IL15: variants seen among roughly 807,000 people sequenced by gnomAD.
The protein encoded by IL15 is interleukin 15, also known as interleukin-15.
A neutral mutation model predicts 19.6 loss-of-function variants in IL15; 11 were observed. The observed-to-expected ratio is 0.56, with a 90% CI of 0.35 to 0.93. The LOEUF is 0.93. IL15 is among the 40% of genes least tolerant of loss of function. The pLI, the probability that IL15 is intolerant of heterozygous loss-of-function variation, is 0.01. For missense variants in IL15, 197 were observed against 186.5 expected (o/e 1.06, Z -0.33); for synonymous variants, 58 against 59.6 (o/e 0.97, Z 0.12).
chr4:141,710,659 C>CT (rs1216452304), intron 2 of IL15, among the ~76,000 whole-genome samples: 4 of 151,956 alleles, frequency 2.6e-5, no homozygotes, highest in Admixed American at 6.6e-5. Context: ...ACTGCACTTT[C>CT]TTTTTTTTCT....
At chr4:141,685,435 A>G (rs540581940) in intron 2 of IL15, among the ~76,000 whole-genome samples, 1 of 152,362 alleles carries the variant, frequency 6.6e-6, no homozygotes, top group African/African-American at 2.4e-5. Flanking sequence ...AGAAAGAGGT[A>G]AAATGATATC....
rs376190481 is a variant in IL15 at position 141,724,711 on chromosome 4, C to G, written c.195+2703C>G. Among the ~76,000 whole-genome samples, 114 of 152,008 alleles carry G rather than the reference C, an allele frequency of 7.5e-4. 1 individual carries two copies. The highest frequency in any genetic ancestry group is 2.7e-3 in the African/African-American group (111 of 41,500). ...ATCTGATAACTTAGAGGAAATGGACCAATTCTTCAGAAACCACAAACTACC... is the reference window on the plus strand; with the variant it reads ...ATCTGATAACTTAGAGGAAATGGACGAATTCTTCAGAAACCACAAACTACC... On this transcript the variant is annotated intron_variant, in intron 5 of 7. Coordinates refer to ENST00000320650, the MANE Select transcript of IL15 (RefSeq NM_000585.5).
chr4:141,728,922 A>G (rs1386654448), intron 6 of IL15, among the ~76,000 whole-genome samples: 1 of 152,178 alleles, frequency 6.6e-6, no homozygotes, highest in Non-Finnish European at 1.5e-5. Flanking sequence ...CCCATGGGTT[A>G]GAGAAACAAC....
chr4:141,690,951 A>G (rs2152177175), intron 2 of IL15, among the ~76,000 whole-genome samples: 1 of 152,330 alleles, frequency 6.6e-6, no homozygotes, highest in East Asian at 1.9e-4. Context: ...AACTTTAATC[A>G]TTCCTTTAAG....
At chr4:141,673,839 T>C (rs1188580006) in intron 2 of IL15, among the ~76,000 whole-genome samples, 1 of 152,182 alleles carries the variant, frequency 6.6e-6, no homozygotes, top group Non-Finnish European at 1.5e-5. Flanking sequence ...TTCTAGTTTT[T>C]TATACCATTT....
chr4:141,684,724 GC>G (rs1219944173), intron 2 of IL15, among the ~76,000 whole-genome samples: 2 of 151,874 alleles, frequency 1.3e-5, no homozygotes, highest in African/African-American at 4.8e-5. Context: ...CCATTCCAAG[GC>G]CTTCTCCATT....
intron 7 of IL15, among the ~76,000 whole-genome samples, chr4:141,731,680 C>T (rs982787867): frequency 1.3e-5 from 2 of 152,168 alleles, no homozygotes; most frequent in African/African-American, 2.4e-5. Context: ...ATATCTCTGT[C>T]TTCCTATCTG....
At chr4:141,722,052 G>T (rs199980417) in intron 5 of IL15, 44 bp downstream of exon 5, 2 of 1,506,532 alleles carry the variant, frequency 1.3e-6, no homozygotes, top group Non-Finnish European at 1.8e-6. Context: ...TAACTGCTAT[G>T]GAGTTTGTCT....
intron 2 of IL15, among the ~76,000 whole-genome samples, chr4:141,683,226 G>T (rs989830634): frequency 2.0e-5 from 3 of 151,496 alleles, no homozygotes; most frequent in Non-Finnish European, 4.4e-5. Flanking sequence ...CCAAGATCAT[G>T]CCACTGCACT....
chr4:141,688,079 C>T (rs970401932), intron 2 of IL15, among the ~76,000 whole-genome samples: 2 of 152,052 alleles, frequency 1.3e-5, no homozygotes, highest in African/African-American at 4.8e-5. Flanking sequence ...TTACACCCAG[C>T]GTTTCTTTAA....
intron 4 of IL15, 23 bp downstream of exon 4, chr4:141,720,589 A>G (rs1159683444): frequency 4.4e-6 from 5 of 1,128,250 alleles, no homozygotes; most frequent in African/African-American, 3.1e-5. Context: ...TTAGGCATAA[A>G]TAACATTATG....
At position 141,727,951 on chromosome 4, in the gene IL15, T is replaced by C; in HGVS notation, c.207T>C (p.Ile69=). ...TTGTTTCCTTTCAGTCTATGCATAT[T>C]GATGCTACTTTATATACGGAAAGTG... ...KIEDLIQSMH[I]DATLYTESDV... is the part of the protein sequence containing the mutation. The change falls in exon 6 of 8, where the codon ATT becomes ATC. Residue 69 remains isoleucine (I), a synonymous_variant. Transcript: ENST00000320650. 4 of 1,328,674 alleles carry C rather than the reference T, an allele frequency of 3.0e-6. No individual in the cohort carries two copies. The highest frequency in any genetic ancestry group is 4.3e-6 in the Non-Finnish European group (4 of 940,584). 82.3% of individuals were successfully genotyped at this position (1,328,674 alleles called of 1,614,324 possible).
chr4:141,683,893 A>G (rs1465769065), intron 2 of IL15, among the ~76,000 whole-genome samples: 1 of 152,236 alleles, frequency 6.6e-6, no homozygotes, highest in Non-Finnish European at 1.5e-5. Context: ...AGGGATTTAT[A>G]ACCCAAACAT....
chr4:141,657,221 T>TA (rs1727639408), intron 2 of IL15, among the ~76,000 whole-genome samples: 1 of 152,226 alleles, frequency 6.6e-6, no homozygotes, highest in East Asian at 1.9e-4. Context: ...ATATAAAAGA[T>TA]AAAAAATTAT....
chr4:141,709,079 A>T (rs1729624708), intron 2 of IL15, among the ~76,000 whole-genome samples: 3 of 114,486 alleles, frequency 2.6e-5, no homozygotes, highest in East Asian at 2.3e-4. Flanking sequence ...AATATTGAAA[A>T]TTTTCAATAT....
In IL15 at chr4:141,721,939, G is replaced by A. The variant is rs774006958; in HGVS notation, c.126G>A (p.Gly42=). 1 of 1,589,492 alleles carries A rather than the reference G, an allele frequency of 6.3e-7. No individual in the cohort carries two copies. Among genetic ancestry groups the A allele is most frequent in the Non-Finnish European group, 8.6e-7 (1 of 1,161,888 alleles). ...HVFILGCFSA[G]LPKTEANWVN... ...TTTCTTTCAGCTGTTTCAGTGCAGGGCTTCCTAAAACAGAAGCCAACTGGG... is the reference window on the plus strand; with the variant it reads ...TTTCTTTCAGCTGTTTCAGTGCAGGACTTCCTAAAACAGAAGCCAACTGGG... The change falls in exon 5 of 8, where the codon GGG becomes GGA. Residue 42 remains glycine (G), a synonymous_variant. Coordinates refer to ENST00000320650, the MANE Select transcript of IL15 (RefSeq NM_000585.5).
At chr4:141,721,426 A>G (rs546845461) in intron 4 of IL15, 28 of 623,516 alleles carry the variant, frequency 4.5e-5, no homozygotes, top group South Asian at 4.4e-4. Context: ...TGCTGCAAGC[A>G]TAGTAAGAGT....
At chr4:141,703,228 G>A (rs541723074) in intron 2 of IL15, among the ~76,000 whole-genome samples, 11 of 152,202 alleles carry the variant, frequency 7.2e-5, no homozygotes, top group South Asian at 6.2e-4. Context: ...TCCTCCTCTC[G>A]TCTGCCCTCA....
At chr4:141,732,628 T>C in intron 7 of IL15, 110 bp from the exon 8 acceptor site, 1 of 1,397,166 alleles carries the variant, frequency 7.2e-7, no homozygotes, top group Non-Finnish European at 9.6e-7. Flanking sequence ...AAAGCTTTCA[T>C]ATCTCAAGAC....
Sources: allele counts gnomAD v4.1 joint callset (sites outside exome capture counted in the v4.1 genomes callset), GRCh38; gene constraint gnomAD v4.1.1; transcripts MANE v1.5; gene names NCBI Gene and HGNC (gene_info 2026-07-23, HGNC 2026-07-21).